The following TRPC5 variants were observed in gnomAD, a reference collection of about 807,000 sequenced individuals.
The protein encoded by TRPC5 is short transient receptor potential channel 5.
Under a neutral mutation model 56.5 loss-of-function variants are expected in TRPC5, and 9 were observed. The ratio of observed to expected loss-of-function variants is 0.16; its 90% CI spans 0.10 to 0.28. TRPC5 has a LOEUF of 0.28. Among genes scored for constraint, TRPC5 ranks in the 10% least tolerant of loss-of-function variants. The pLI is 1.00. For synonymous variants in TRPC5, 282 were observed against 278.5 expected (o/e 1.01, Z -0.13); for missense variants, 469 against 748.9 (o/e 0.63, Z 4.36).
intron 3 of TRPC5, among the ~76,000 whole-genome samples, chrX:111,858,691 G>A (rs1393318795): frequency 9.0e-6 from 1 of 111,051 alleles, no homozygotes; most frequent in Non-Finnish European, 1.9e-5. Context: ...GTACCTGAAG[G>A]GAAAGGAATG....
chrX:111,907,855 T>G (rs1925683297), intron 3 of TRPC5, among the ~76,000 whole-genome samples: 1 of 109,306 alleles, frequency 9.1e-6, no homozygotes, highest in African/African-American at 3.3e-5. Context: ...GAGTGTTTCA[T>G]TTTTTTTTAA....
intron 1 of TRPC5, among the ~76,000 whole-genome samples, chrX:112,049,424 C>CATATAT (rs749716509): frequency 4.7e-4 from 49 of 105,329 alleles, no homozygotes; most frequent in African/African-American, 9.1e-4. Context: ...TACACACACG[C>CATATAT]ATATATATAC....
chrX:112,070,357 A>G (rs962510465), intron 1 of TRPC5, among the ~76,000 whole-genome samples: 2 of 111,272 alleles, frequency 1.8e-5, no homozygotes, highest in Non-Finnish European at 3.8e-5. Context: ...CGATTTTCCA[A>G]GCTCCATCAA....
At chrX:111,868,636 G>T (rs763919248) in intron 3 of TRPC5, among the ~76,000 whole-genome samples, 164 of 112,184 alleles carry the variant, frequency 1.5e-3, no homozygotes, top group African/African-American at 5.2e-3. Flanking sequence ...TGAGCTGGGA[G>T]ACTTACAGCT....
At chrX:112,009,624 T>C (rs1408223570) in intron 1 of TRPC5, among the ~76,000 whole-genome samples, 1 of 111,959 alleles carries the variant, frequency 8.9e-6, no homozygotes, top group Non-Finnish European at 1.9e-5. Flanking sequence ...GCATGAACTC[T>C]GACGCATAAA....
chrX:112,012,648 A>T (rs1929022179), intron 1 of TRPC5, among the ~76,000 whole-genome samples: 1 of 111,478 alleles, frequency 9.0e-6, no homozygotes. Context: ...GCTAAATGGC[A>T]TGTCTGAGTT....
chrX:111,894,963 T>C (rs1442011066), intron 3 of TRPC5, among the ~76,000 whole-genome samples: 1 of 110,823 alleles, frequency 9.0e-6, no homozygotes, highest in East Asian at 2.8e-4. Context: ...TGTAGTGATA[T>C]GGTAGCTAAT....
At chrX:111,781,110 C>G in intron 9 of TRPC5, 55 bp downstream of exon 9, 2 of 1,118,013 alleles carry the variant, frequency 1.8e-6, no homozygotes, top group Non-Finnish European at 2.5e-6. Flanking sequence ...GTTTGCTTCT[C>G]CTCCACAGAA....
intron 7 of TRPC5, among the ~76,000 whole-genome samples, chrX:111,814,604 A>G (rs907744125): frequency 9.1e-6 from 1 of 109,477 alleles, no homozygotes; most frequent in Non-Finnish European, 1.9e-5. Flanking sequence ...ACCTTTCCCA[A>G]ACTCCAAGAG....
At chrX:111,953,308 T>C (rs1927142376) in intron 1 of TRPC5, among the ~76,000 whole-genome samples, 1 of 112,250 alleles carries the variant, frequency 8.9e-6, no homozygotes, top group Non-Finnish European at 1.9e-5. Context: ...TAAATCCAGG[T>C]TATATTTAAT....
chrX:112,027,557 C>T (rs1278616777), intron 1 of TRPC5, among the ~76,000 whole-genome samples: 4 of 110,978 alleles, frequency 3.6e-5, no homozygotes, highest in African/African-American at 6.6e-5. Context: ...AGTACAGTGG[C>T]GCGATCTTGG....
chrX:111,947,776 A>G (rs906741999), intron 2 of TRPC5, among the ~76,000 whole-genome samples: 1 of 112,112 alleles, frequency 8.9e-6, no homozygotes, highest in African/African-American at 3.2e-5. Flanking sequence ...TACATTTATG[A>G]AGTGTTGGTG....
At chrX:111,779,560 C>T (rs1231735689) in intron 9 of TRPC5, among the ~76,000 whole-genome samples, 1 of 111,718 alleles carries the variant, frequency 9.0e-6, no homozygotes, top group Non-Finnish European at 1.9e-5. Context: ...TTCACTAAGC[C>T]CCCAGGGGAA....
At chrX:112,010,573 T>C (rs888114870) in intron 1 of TRPC5, among the ~76,000 whole-genome samples, 3 of 111,424 alleles carry the variant, frequency 2.7e-5, no homozygotes, top group Admixed American at 9.6e-5. Flanking sequence ...GTACTGAATA[T>C]TGTAGGCGAT....
intron 9 of TRPC5, 105 bp from the exon 10 acceptor site, chrX:111,779,179 A>G (rs771165755): frequency 1.2e-3 from 584 of 479,440 alleles, no homozygotes; most frequent in Non-Finnish European, 1.8e-3. Flanking sequence ...TCTTTGCAGT[A>G]GAAAATCCTC....
At chrX:111,977,957 A>C (rs934688250) in intron 1 of TRPC5, among the ~76,000 whole-genome samples, 1 of 111,539 alleles carries the variant, frequency 9.0e-6, no homozygotes, top group Non-Finnish European at 1.9e-5. Flanking sequence ...TACAAAAAAA[A>C]ACAAAATATA....
chrX:111,783,873 A>G (rs1487871759), intron 7 of TRPC5, among the ~76,000 whole-genome samples: 2 of 111,731 alleles, frequency 1.8e-5, no homozygotes, highest in African/African-American at 6.5e-5. Flanking sequence ...ATGTTCTCCT[A>G]TGTTTTCCTC....
chrX:111,985,545 T>A (rs1928190265), intron 1 of TRPC5, among the ~76,000 whole-genome samples: 1 of 112,197 alleles, frequency 8.9e-6, no homozygotes, highest in Admixed American at 9.5e-5. Context: ...ATAAATTTTT[T>A]CAGTGTATCA....
chrX:111,907,379 C>G (rs1210435325), intron 3 of TRPC5, among the ~76,000 whole-genome samples: 1 of 111,136 alleles, frequency 9.0e-6, no homozygotes, highest in East Asian at 2.8e-4. Context: ...ATAATCCAAG[C>G]ACTTTGGGAG....
Sources: allele counts gnomAD v4.1 joint callset (sites outside exome capture counted in the v4.1 genomes callset), GRCh38; gene constraint gnomAD v4.1.1; transcripts MANE v1.5; gene names NCBI Gene and HGNC (gene_info 2026-07-23, HGNC 2026-07-21).